The following PSG5 variants were observed in gnomAD, a reference collection of about 807,000 sequenced individuals.
PSG5 encodes the protein pregnancy specific beta-1-glycoprotein 5.
A neutral mutation model predicts 37.7 loss-of-function variants in PSG5; 53 were observed. That is an observed-to-expected ratio of 1.41 (90% confidence interval 1.13 to 1.77). The LOEUF is 1.77. Ranked by LOEUF, PSG5 falls within the 40% of genes most tolerant of loss-of-function variation. PSG5 has a pLI of 0.00. For synonymous variants in PSG5, 221 were observed against 155.4 expected (o/e 1.42, Z -3.14); for missense variants, 547 against 405.2 (o/e 1.35, Z -3.00).
intron 2 of PSG5, among the ~76,000 whole-genome samples, chr19:43,176,633 G>T (rs1003343295): frequency 1.3e-5 from 2 of 151,244 alleles, no homozygotes; most frequent in Admixed American, 6.6e-5. Flanking sequence ...TGAAGATACT[G>T]AGCAGTCTGG....
chr19:43,169,289 T>C (rs1968853007), intron 5 of PSG5, among the ~76,000 whole-genome samples: 1 of 151,648 alleles, frequency 6.6e-6, no homozygotes. Context: ...CAGGAAAAGA[T>C]CTCAACCACA....
At chr19:43,176,868 C>A (rs1969022690) in intron 2 of PSG5, among the ~76,000 whole-genome samples, 1 of 150,842 alleles carries the variant, frequency 6.6e-6, no homozygotes. Context: ...GGAGCAGAAC[C>A]ATGTTCCCTG....
At chr19:43,184,627 T>A (rs1305176522) in intron 2 of PSG5, among the ~76,000 whole-genome samples, 155 bp downstream of exon 2, 2 of 151,422 alleles carry the variant, frequency 1.3e-5, no homozygotes, top group Admixed American at 1.3e-4. Flanking sequence ...GAAATTTGTC[T>A]CCTCTGTGTG....
At chr19:43,170,249 C>T (rs1181217403) in intron 4 of PSG5, 111 bp from the exon 5 acceptor site, 10 of 1,010,918 alleles carry the variant, frequency 9.9e-6, no homozygotes, top group Non-Finnish European at 1.4e-5. Context: ...TCTTCAAGTA[C>T]TACATTATTC....
At chr19:43,171,056 C>A (rs923641074) in intron 4 of PSG5, 3 of 151,490 alleles carry the variant, frequency 2.0e-5, no homozygotes, top group Admixed American at 6.6e-5. Flanking sequence ...GTGCTAAATA[C>A]TTTACCTGTA....
At chr19:43,184,471 G>T (rs1340448382) in intron 2 of PSG5, among the ~76,000 whole-genome samples, 1 of 151,610 alleles carries the variant, frequency 6.6e-6, no homozygotes. Context: ...GTTCTCCAGG[G>T]TCTTTCTCAG....
chr19:43,179,796 G>A (rs1174257712), intron 2 of PSG5, among the ~76,000 whole-genome samples: 1 of 151,688 alleles, frequency 6.6e-6, no homozygotes, highest in Non-Finnish European at 1.5e-5. Context: ...GACTTCTAAA[G>A]ATAGAGCAGA....
At position 43,175,385 on chromosome 19, in the gene PSG5, G is replaced by C. The variant is rs746370778; in HGVS notation, c.794C>G (p.Ser265Cys). ...ENLYLSCFAE[S>C]NPPAEYFWTI... ...CCAAAAATACTCTGCCGGTGGGTTA[G>C]ATTCCGCGAAGCAGGACAAGTAGAG... The change falls in exon 4 of 6, where the codon TCT becomes TGT. Residue 265 changes from serine to cysteine, a missense_variant. Ser to Cys is a moderately radical substitution (Grantham distance 112). Transcript: ENST00000342951. 6.2e-6 allele frequency: 10 copies of C among 1,612,794 alleles called. 1 individual carries two copies. The highest frequency in any genetic ancestry group is 1.7e-5 in the Admixed American group (1 of 59,908).
rs771117661 is a variant in PSG5 at position 43,175,456 on chromosome 19, G to T, written c.723C>A (p.Leu241=). The change falls in exon 4 of 6, where the codon CTC becomes CTA. Residue 241 remains leucine, a synonymous_variant. Transcript: ENST00000342951. ...VTLNVLYGPD[L]PSIYPSFTYY... ...AGGTGAATGAAGGGTAAATGCTGGG[G>T]AGGTCTGGACCATCTGGAGCAAAGA... 7 of 1,610,204 alleles carry T rather than the reference G, an allele frequency of 4.3e-6. No homozygotes were observed. Among genetic ancestry groups the T allele is most frequent in the Non-Finnish European group, 4.2e-6 (5 of 1,177,838 alleles).
rs753626651 is a variant in PSG5 at position 43,184,763 on chromosome 19, A to T, written c.430+19T>A. 5.6e-6 allele frequency: 9 copies of T among 1,611,588 alleles called. No homozygotes were observed. The highest frequency in any genetic ancestry group is 4.0e-5 in the African/African-American group (3 of 74,440). On this transcript the variant is annotated intron_variant, in intron 2 of 5. Coordinates refer to ENST00000342951, the MANE Select transcript of PSG5 (RefSeq NM_002781.4). ...GACCCCTGTCCCCCAACACCCAGGG[A>T]TCATGTGGAATCACTCACGGTATAA...
intron 5 of PSG5, among the ~76,000 whole-genome samples, chr19:43,168,416 T>G (rs937897890): frequency 2.0e-5 from 3 of 151,606 alleles, no homozygotes; most frequent in Non-Finnish European, 4.4e-5. Context: ...TCACCCAGGC[T>G]GGAGTGCAGT....
intron 2 of PSG5, chr19:43,179,082 C>A (rs781231572): frequency 2.5e-6 from 4 of 1,611,918 alleles, no homozygotes; most frequent in Non-Finnish European, 2.5e-6. Flanking sequence ...CGCAGGATCA[C>A]AGGTTAAGAT....
At chr19:43,174,481 C>G in intron 4 of PSG5, 5 of 762,246 alleles carry the variant, frequency 6.6e-6, no homozygotes, top group Non-Finnish European at 8.0e-6. Context: ...TCACTATCCT[C>G]CGTGCTGTGT....
chr19:43,175,823 A>G, intron 3 of PSG5, 47 bp downstream of exon 3: 1 of 1,606,034 alleles, frequency 6.2e-7, no homozygotes, highest in South Asian at 1.1e-5. Flanking sequence ...GTGGTCATTT[A>G]GATTTAAGCT....
Position 43,184,920 on chromosome 19 carries a change from G to T in PSG5, c.292C>A (p.Arg98=), listed in dbSNP as rs147144682. 4.3e-6 allele frequency: 7 copies of T among 1,612,448 alleles called. No homozygotes were observed. The highest frequency in any genetic ancestry group is 1.1e-5 in the South Asian group (1 of 91,034). Residue 98 remains arginine (R), a synonymous_variant, in exon 2 of 6, where the codon CGA becomes AGA. Transcript: ENST00000342951. ...GATGCATTGGAATATACTGTTTCTCGTCCAGTGTATGCAGGCCCATATATA... is the reference window on the plus strand; with the variant it reads ...GATGCATTGGAATATACTGTTTCTCTTCCAGTGTATGCAGGCCCATATATA... ...INIYGPAYTG[R]ETVYSNASLL...
chr19:43,181,370 G>A (rs1301876547), intron 2 of PSG5, among the ~76,000 whole-genome samples: 2 of 151,680 alleles, frequency 1.3e-5, no homozygotes, highest in Non-Finnish European at 2.9e-5. Context: ...AGTTTTGGAA[G>A]TTTCTATTGA....
chr19:43,170,394 A>G, intron 4 of PSG5: 2 of 490,840 alleles, frequency 4.1e-6, no homozygotes, highest in Non-Finnish European at 6.9e-6. Flanking sequence ...TTCAGACATA[A>G]GAAAGGCTGA....
intron 1 of PSG5, 36 bp from the exon 2 acceptor site, chr19:43,185,183 C>A (rs1226136853): frequency 6.4e-7 from 1 of 1,566,988 alleles, no homozygotes. Context: ...AATATTGAGA[C>A]CTGTGTATTG....
intron 4 of PSG5, among the ~76,000 whole-genome samples, chr19:43,173,857 C>T (rs1968951524): frequency 6.6e-6 from 1 of 151,458 alleles, no homozygotes; most frequent in Admixed American, 6.6e-5. Context: ...CCAGCAATTC[C>T]ACTTCTGGAC....
Sources: gnomAD v4.1 joint callset for allele counts (sites outside exome capture counted in the v4.1 genomes callset) on GRCh38, gnomAD v4.1.1 for gene constraint, MANE v1.5 for transcripts, NCBI Gene and HGNC (gene_info 2026-07-23, HGNC 2026-07-21) for gene names.